Variants in PCDHA13 observed in about 807,000 individuals in gnomAD.
PCDHA13 encodes protocadherin alpha-13.
In PCDHA13, 54 loss-of-function variants were observed where a neutral mutation model predicts 64.8. That is an observed-to-expected ratio of 0.83 (90% confidence interval 0.67 to 1.04). PCDHA13 has a LOEUF of 1.04. Ranked by LOEUF, PCDHA13 falls within the 50% of genes least tolerant of loss-of-function variation. The pLI is 0.00. For synonymous variants in PCDHA13, 587 were observed against 564.4 expected (o/e 1.04, Z -0.57); for missense variants, 1,248 against 1,254.3 (o/e 0.99, Z 0.08).
At chr5:140,993,466 A>T (rs1374096077) in intron 3 of PCDHA13, among the ~76,000 whole-genome samples, 2 of 45,548 alleles carry the variant, frequency 4.4e-5, no homozygotes, top group African/African-American at 1.2e-4. Flanking sequence ...TCTTTCTCAC[A>T]CACACACACA....
intron 1 of PCDHA13, among the ~76,000 whole-genome samples, chr5:140,964,874 A>C (rs1443431100): frequency 6.6e-6 from 1 of 152,178 alleles, no homozygotes; most frequent in East Asian, 1.9e-4. Flanking sequence ...GACAAATAAG[A>C]AGCAGCAGTG....
At chr5:140,978,520 C>T (rs2096807249) in intron 1 of PCDHA13, among the ~76,000 whole-genome samples, 1 of 152,214 alleles carries the variant, frequency 6.6e-6, no homozygotes, top group Non-Finnish European at 1.5e-5. Flanking sequence ...GCAGTCCAGC[C>T]AGGCCAGCAG....
At chr5:140,916,464 G>T (rs2077577403) in intron 1 of PCDHA13, among the ~76,000 whole-genome samples, 1 of 152,206 alleles carries the variant, frequency 6.6e-6, no homozygotes, top group Non-Finnish European at 1.5e-5. Context: ...ATCACTGCTG[G>T]TTATTTGGTG....
chr5:140,995,998 C>T (rs1197239441), intron 3 of PCDHA13, among the ~76,000 whole-genome samples: 1 of 152,192 alleles, frequency 6.6e-6, no homozygotes, highest in Non-Finnish European at 1.5e-5. Context: ...TCAAAAATGT[C>T]GTCAGAACTA....
At chr5:140,910,067 G>A (rs868941459) in intron 1 of PCDHA13, among the ~76,000 whole-genome samples, 11 of 152,312 alleles carry the variant, frequency 7.2e-5, no homozygotes, top group Non-Finnish European at 1.3e-4. Context: ...TTTTAACAGC[G>A]TAAATTGTTG....
Position 140,883,153 on chromosome 5 carries a change from A to G in PCDHA13, c.885A>G (p.Ile295Met), listed in dbSNP as rs1268982674. 4 of 1,614,120 alleles carry G rather than the reference A, an allele frequency of 2.5e-6. No individual in the cohort carries two copies. Among genetic ancestry groups the G allele is most frequent in the Non-Finnish European group, 8.5e-7 (1 of 1,180,040 alleles). The change falls in exon 1 of 4, where the codon ATA (isoleucine) becomes ATG (methionine). Residue 295 changes from isoleucine (I) to methionine (M), a missense_variant. Ile to Met is a conservative substitution (Grantham distance 10, BLOSUM62 1). Transcript: ENST00000289272. The stretch of plus-strand genomic sequence containing the variant: ...CTGCAGTGGTATATGCATTTACCAT[A>G]AATCCGAACAATGGAGAAATTAGGA... ...VWPAVVYAFT[I>M]NPNNGEIRTK...
At chr5:140,956,930 A>G (rs2153711573) in intron 1 of PCDHA13, among the ~76,000 whole-genome samples, 1 of 151,954 alleles carries the variant, frequency 6.6e-6, no homozygotes, top group East Asian at 1.9e-4. Flanking sequence ...TGCTGGATAT[A>G]GGATAAAATT....
chr5:140,997,820 T>C (rs2097787131), intron 3 of PCDHA13, among the ~76,000 whole-genome samples: 1 of 152,170 alleles, frequency 6.6e-6, no homozygotes. Flanking sequence ...GGTATCTATG[T>C]TTTCTAAACA....
At chr5:140,920,294 A>T (rs1554199563) in intron 1 of PCDHA13, among the ~76,000 whole-genome samples, 9 of 152,206 alleles carry the variant, frequency 5.9e-5, no homozygotes. Context: ...TTTTAGAGGC[A>T]CTAAGAGAAA....
At chr5:140,967,072 C>T in intron 1 of PCDHA13, 1 of 1,613,106 alleles carries the variant, frequency 6.2e-7, no homozygotes, top group Non-Finnish European at 8.5e-7. Flanking sequence ...TCTTCGTCAA[C>T]GAGCGCATTG....
At position 140,884,559 on chromosome 5, in the gene PCDHA13, C is replaced by T. The variant is rs782174598; in HGVS notation, c.2291C>T (p.Pro764Leu). The change falls in exon 1 of 4, where the codon CCG (proline) becomes CTG (leucine). Residue 764 changes from proline to leucine, a missense_variant. Pro to Leu is a moderately conservative substitution (Grantham distance 98). Coordinates refer to ENST00000289272, the MANE Select transcript of PCDHA13 (RefSeq NM_018904.3). ...CCGAGGGTGTGCTCTGGGGAGGGCC[C>T]GCATAAGACGGACCTCATGGCCTTC... Reference protein sequence around the residue: ...RRPRVCSGEGPHKTDLMAFSP... With the variant: ...RRPRVCSGEGLHKTDLMAFSP... 1.2e-6 allele frequency: 2 copies of T among 1,614,094 alleles called. No homozygotes were observed. Among genetic ancestry groups the T allele is most frequent in the Admixed American group, 1.7e-5 (1 of 59,984 alleles).
At chr5:140,936,418 T>G (rs2090950050) in intron 1 of PCDHA13, among the ~76,000 whole-genome samples, 1 of 152,222 alleles carries the variant, frequency 6.6e-6, no homozygotes, top group African/African-American at 2.4e-5. Context: ...ATGTTACTAA[T>G]TTTAATTAAT....
intron 3 of PCDHA13, among the ~76,000 whole-genome samples, chr5:141,007,425 A>G (rs369535619): frequency 6.6e-4 from 98 of 148,834 alleles, no homozygotes; most frequent in African/African-American, 2.3e-3. Context: ...AAAATTAGCC[A>G]GGCATGGTGG....
rs1243853436 is a variant in PCDHA13, at chr5:140,900,308, A to G, written c.2394+15646A>G. ...CTTTTCTGTTTTTTTAGACAGTCTC[A>G]CTTTTGTCGCCCAGGCTGGAGTACC... On this transcript the variant is annotated intron_variant, in intron 1 of 3. Transcript: ENST00000289272. 1.3e-4 allele frequency among the ~76,000 whole-genome samples: 19 copies of G among 149,982 alleles called. No individual in the cohort carries two copies. The East Asian group carries it at 3.9e-3, about 31-fold the overall frequency.
At chr5:140,917,281 T>A (rs1354421886) in intron 1 of PCDHA13, among the ~76,000 whole-genome samples, 1 of 151,298 alleles carries the variant, frequency 6.6e-6, no homozygotes, top group Admixed American at 6.6e-5. Context: ...GTAATGACGC[T>A]TTTCCGTGTG....
intron 1 of PCDHA13, chr5:140,966,476 C>G: frequency 2.3e-6 from 1 of 432,972 alleles, no homozygotes; most frequent in Non-Finnish European, 4.0e-6. Flanking sequence ...CTTCTGTTTC[C>G]TTTTCCCTCC....
rs2098422926 is a variant in PCDHA13 at position 141,012,085 on chromosome 5, G to A, written c.*2148G>A. The A allele has an allele frequency of 1.3e-5, 2 of 153,740 alleles. No homozygotes were observed. Among genetic ancestry groups the A allele is most frequent in the Admixed American group, 1.3e-4 (2 of 15,280 alleles). 9.5% of individuals were successfully genotyped at this position (153,740 alleles called of 1,614,324 possible). A position where few individuals can be genotyped will look rare whatever the true frequency, so the allele number is the denominator to read the frequency against. ...ACATGTGAACCATTGCTACATTGTAGGTTGTGATCATTTTGCCCCACTGAA... is the reference window on the plus strand; with the variant it reads ...ACATGTGAACCATTGCTACATTGTAAGTTGTGATCATTTTGCCCCACTGAA... On this transcript the variant is annotated 3_prime_UTR_variant, in exon 4 of 4. Coordinates refer to ENST00000289272, the MANE Select transcript of PCDHA13 (RefSeq NM_018904.3).
At chr5:140,988,963 G>A (rs1273293184) in intron 3 of PCDHA13, 2 of 152,140 alleles carry the variant, frequency 1.3e-5, no homozygotes, top group African/African-American at 4.8e-5. Flanking sequence ...CAAGCCCCAC[G>A]ATGGAGAGAA....
intron 1 of PCDHA13, among the ~76,000 whole-genome samples, chr5:140,891,916 G>T (rs1336108155): frequency 6.6e-6 from 1 of 152,170 alleles, no homozygotes; most frequent in Non-Finnish European, 1.5e-5. Context: ...ACCAGATGCT[G>T]GTGCCTTGAT....
Sources: allele counts gnomAD v4.1 joint callset (sites outside exome capture counted in the v4.1 genomes callset), GRCh38; gene constraint gnomAD v4.1.1; transcripts MANE v1.5; gene names NCBI Gene and HGNC (gene_info 2026-07-23, HGNC 2026-07-21).